Variants in FCGR2A observed in about 807,000 individuals in gnomAD.
The protein encoded by FCGR2A is Fc gamma receptor IIa.
A neutral mutation model predicts 29.3 loss-of-function variants in FCGR2A; 18 were observed. The observed-to-expected ratio is 0.62, with a 90% CI of 0.43 to 0.91. The LOEUF (loss-of-function observed/expected upper bound fraction) is 0.91, where lower values mean the gene tolerates loss of function less well. Among genes scored for constraint, FCGR2A ranks in the 40% least tolerant of loss-of-function variants. FCGR2A has a pLI of 0.00. For missense variants in FCGR2A, 287 were observed against 393.0 expected, an observed-to-expected ratio of 0.73 and a Z score of 2.28; for synonymous variants, 126 against 144.8, an observed-to-expected ratio of 0.87 and a Z score of 0.93.
intron 6 of FCGR2A, among the ~76,000 whole-genome samples, chr1:161,515,443 G>C (rs1446111413): frequency 2.0e-5 from 3 of 151,956 alleles, no homozygotes; most frequent in Admixed American, 2.0e-4. Flanking sequence ...ATTGGAAATA[G>C]GCCAGATAAA....
intron 5 of FCGR2A, chr1:161,513,548 T>C: frequency 1.1e-5 from 5 of 444,374 alleles, no homozygotes; most frequent in Non-Finnish European, 1.6e-5. Flanking sequence ...ATCTGGACTT[T>C]ACTTCACTCT....
downstream of FCGR2A, among the ~76,000 whole-genome samples, chr1:161,521,453 G>T (rs1400765739): frequency 6.6e-6 from 1 of 151,708 alleles, no homozygotes; most frequent in Admixed American, 6.6e-5. Flanking sequence ...GCCCAGACAG[G>T]TGAAATGACT....
chr1:161,511,941 G>A (rs540579965), intron 5 of FCGR2A, among the ~76,000 whole-genome samples: 2 of 152,190 alleles, frequency 1.3e-5, no homozygotes, highest in African/African-American at 2.4e-5. Context: ...GAGCAGCGAT[G>A]GGGGGATGGC....
At chr1:161,523,116 T>G (rs1676518235), downstream of FCGR2A, 1 of 152,142 alleles carries the variant, frequency 6.6e-6, no homozygotes, top group African/African-American at 2.4e-5. Flanking sequence ...TACCACATAC[T>G]CTCCAGCTGC....
chr1:161,510,675 G>T (rs1278636419), intron 4 of FCGR2A, among the ~76,000 whole-genome samples, 159 bp from the exon 5 acceptor site: 2 of 152,242 alleles, frequency 1.3e-5, no homozygotes, highest in African/African-American at 4.8e-5. Context: ...GGCTGGGGAT[G>T]TGGTGAATCT....
chr1:161,515,142 G>A (rs1198264357), intron 6 of FCGR2A, among the ~76,000 whole-genome samples: 1 of 152,274 alleles, frequency 6.6e-6, no homozygotes, highest in Non-Finnish European at 1.5e-5. Flanking sequence ...AAATGTCTCA[G>A]AAACAATGAT....
intron 3 of FCGR2A, among the ~76,000 whole-genome samples, chr1:161,508,265 A>G (rs2102462340): frequency 6.6e-6 from 1 of 152,028 alleles, no homozygotes; most frequent in Admixed American, 6.5e-5. Flanking sequence ...CCATCTCAGT[A>G]ATGGTACCTG....
At chr1:161,514,057 A>G in intron 6 of FCGR2A, 125 bp downstream of exon 6, 1 of 1,346,434 alleles carries the variant, frequency 7.4e-7, no homozygotes, top group South Asian at 1.2e-5. Flanking sequence ...TGAGCAAACA[A>G]AGCCACCCAG....
intron 3 of FCGR2A, among the ~76,000 whole-genome samples, chr1:161,508,469 T>TC (rs1222348428): frequency 3.3e-5 from 5 of 151,136 alleles, no homozygotes; most frequent in African/African-American, 1.2e-4. Context: ...ATGCCTGTAA[T>TC]CCAGCTACTC....
At chr1:161,506,085 G>C (rs56315079) in intron 2 of FCGR2A, 78 bp downstream of exon 2, 10 of 1,465,706 alleles carry the variant, frequency 6.8e-6, no homozygotes, top group African/African-American at 5.5e-5. Context: ...GGGGCGGCGG[G>C]GGGGTATGTC....
At chr1:161,509,631 T>C (rs1470345457) in intron 3 of FCGR2A, among the ~76,000 whole-genome samples, 189 bp from the exon 4 acceptor site, 1 of 152,262 alleles carries the variant, frequency 6.6e-6, no homozygotes, top group Non-Finnish European at 1.5e-5. Context: ...TGAAAACTTC[T>C]GCTTTTAGAA....
intron 3 of FCGR2A, 74 bp downstream of exon 3, chr1:161,506,665 G>A: frequency 6.3e-7 from 1 of 1,596,404 alleles, no homozygotes; most frequent in Non-Finnish European, 8.6e-7. Flanking sequence ...ACAGAGGTTT[G>A]CAGGAAAGAG....
intron 3 of FCGR2A, 92 bp downstream of exon 3, chr1:161,506,683 G>A (rs1038037647): frequency 2.5e-6 from 4 of 1,573,920 alleles, no homozygotes; most frequent in Admixed American, 1.8e-5. Context: ...GAGTGGGCGT[G>A]GACTGCTTAC....
At chr1:161,520,519 CAG>C (rs1455376327), downstream of FCGR2A, among the ~76,000 whole-genome samples, 3 of 151,942 alleles carry the variant, frequency 2.0e-5, no homozygotes, top group African/African-American at 4.8e-5. Context: ...TGGGTGGAGA[CAG>C]AGCCAAACCA....
chr1:161,506,666 C>G, intron 3 of FCGR2A, 75 bp downstream of exon 3: 2 of 1,595,666 alleles, frequency 1.3e-6, no homozygotes, highest in Non-Finnish European at 1.7e-6. Context: ...CAGAGGTTTG[C>G]AGGAAAGAGT....
chr1:161,514,931 G>C (rs1237580902), intron 6 of FCGR2A: 2 of 152,024 alleles, frequency 1.3e-5, no homozygotes, highest in Non-Finnish European at 2.9e-5. Flanking sequence ...TACAGAGTCT[G>C]GGACTCCTCC....
intron 3 of FCGR2A, among the ~76,000 whole-genome samples, chr1:161,508,544 G>A (rs1157670535): frequency 4.8e-5 from 7 of 145,686 alleles, no homozygotes; most frequent in South Asian, 4.3e-4. Flanking sequence ...CCGAGATCGC[G>A]CCATTCCACT....
At chr1:161,520,352 G>A (rs941222561), downstream of FCGR2A, among the ~76,000 whole-genome samples, 39 of 152,016 alleles carry the variant, frequency 2.6e-4, no homozygotes, top group Non-Finnish European at 5.1e-4. Context: ...TGCAAGCAGG[G>A]AAGGTGCCAG....
Position 161,506,460 on chromosome 1 carries a change from A to G in FCGR2A, c.233A>G (p.Asn78Ser), listed in dbSNP as rs199851518. Residue 78 changes from asparagine (N) to serine (S), a missense_variant, in exon 3 of 7, where the codon AAT becomes AGT. Asn to Ser is a conservative substitution (Grantham distance 46). This residue lies in a region of FCGR2A where 181 missense variants were observed against 250.9 expected (regional missense o/e 0.72). Coordinates refer to ENST00000271450, the MANE Select transcript of FCGR2A (RefSeq NM_001136219.3). ...AGCGACTCCATTCAGTGGTTCCACA[A>G]TGGGAATCTCATTCCCACCCACACG... Reference protein sequence around the residue: ...PESDSIQWFHNGNLIPTHTQP... With the variant: ...PESDSIQWFHSGNLIPTHTQP... 26 of 1,614,242 alleles carry G rather than the reference A, an allele frequency of 1.6e-5. No individual in the cohort carries two copies. In the Admixed American group the frequency reaches 2.5e-4, roughly 16 times the overall value.
Sources: allele counts gnomAD v4.1 joint callset (sites outside exome capture counted in the v4.1 genomes callset), GRCh38; gene constraint gnomAD v4.1.1; regional missense constraint gnomAD v4.1.1; transcripts MANE v1.5; gene names NCBI Gene and HGNC (gene_info 2026-07-23, HGNC 2026-07-21).